RARB: variants seen among roughly 807,000 people sequenced by gnomAD.
RARB encodes the protein HBV-activated protein.
A neutral mutation model predicts 51.9 loss-of-function variants in RARB; 17 were observed. The ratio of observed to expected loss-of-function variants is 0.33; its 90% CI spans 0.22 to 0.49. The LOEUF (loss-of-function observed/expected upper bound fraction) is 0.49. RARB is among the 20% of genes least tolerant of loss of function. The pLI is 0.99. For synonymous variants in RARB, 215 were observed against 195.4 expected, an observed-to-expected ratio of 1.10 and a Z score of -0.84; for missense variants, 369 against 550.8, an observed-to-expected ratio of 0.67 and a Z score of 3.30.
At chr3:25,163,765 T>C (rs1283461742) in intron 4 of RARB, among the ~76,000 whole-genome samples, 1 of 152,020 alleles carries the variant, frequency 6.6e-6, no homozygotes, top group Non-Finnish European at 1.5e-5. Context: ...GTCACAGGCA[T>C]ACTTCTAATC....
At chr3:25,550,012 G>T (rs1699782297) in intron 3 of RARB, among the ~76,000 whole-genome samples, 1 of 152,048 alleles carries the variant, frequency 6.6e-6, no homozygotes, top group African/African-American at 2.4e-5. Context: ...AATTCTGATG[G>T]TCTCTATTCA....
intron 4 of RARB, among the ~76,000 whole-genome samples, chr3:25,172,233 T>C (rs1329749567): frequency 2.0e-5 from 3 of 152,176 alleles, no homozygotes; most frequent in South Asian, 4.1e-4. Context: ...GACTGCTCAC[T>C]GAGTTTTTCC....
At chr3:24,864,335 G>A (rs890410626) in intron 2 of RARB, among the ~76,000 whole-genome samples, 1 of 152,278 alleles carries the variant, frequency 6.6e-6, no homozygotes, top group South Asian at 2.1e-4. Flanking sequence ...TTGCCATTCA[G>A]TGTTGTTCCT....
At chr3:25,056,143 T>C (rs1304332482) in intron 2 of RARB, among the ~76,000 whole-genome samples, 1 of 152,128 alleles carries the variant, frequency 6.6e-6, no homozygotes, top group South Asian at 2.1e-4. Context: ...TATTTCCTGC[T>C]GGTAACAGGC....
At chr3:24,924,450 C>T (rs1371485189) in intron 2 of RARB, among the ~76,000 whole-genome samples, 1 of 152,094 alleles carries the variant, frequency 6.6e-6, no homozygotes, top group Admixed American at 6.6e-5. Flanking sequence ...AGTATGGTAG[C>T]CACTAGCTAG....
At chr3:25,033,577 C>G (rs986274466) in intron 2 of RARB, among the ~76,000 whole-genome samples, 2 of 152,078 alleles carry the variant, frequency 1.3e-5, no homozygotes, top group East Asian at 1.9e-4. Flanking sequence ...GGAGACATGC[C>G]GATTATGTTG....
intron 4 of RARB, among the ~76,000 whole-genome samples, chr3:25,574,431 A>G (rs564807428): frequency 2.0e-5 from 3 of 152,102 alleles, no homozygotes; most frequent in Admixed American, 6.5e-5. Flanking sequence ...CCTCCTCTCC[A>G]CCCCATCATA....
At chr3:25,032,546 A>C (rs1256148204) in intron 2 of RARB, among the ~76,000 whole-genome samples, 1 of 152,236 alleles carries the variant, frequency 6.6e-6, no homozygotes, top group Non-Finnish European at 1.5e-5. Flanking sequence ...TGCATATTCA[A>C]AAGCAGTGTT....
chr3:25,053,969 T>TG lies in RARB; in HGVS notation c.-379-6154dup, dbSNP rs1348486184. On this transcript the variant is annotated intron_variant, in intron 2 of 11. Transcript: ENST00000383772. ...TGTAATCCCATTCATCCTACAGATA[T>TG]GGCTTGTGCTCCTACTCTGGGCCTG... 6.6e-5 allele frequency among the ~76,000 whole-genome samples: 10 copies of TG among 152,270 alleles called. No homozygotes were observed. In the East Asian group the frequency reaches 1.9e-3, roughly 29 times the overall value.
chr3:24,970,473 A>G (rs1030943647), intron 2 of RARB, among the ~76,000 whole-genome samples: 1 of 151,964 alleles, frequency 6.6e-6, no homozygotes, highest in Non-Finnish European at 1.5e-5. Context: ...TGAAGACTAG[A>G]TACTGATAAT....
chr3:25,188,578 T>G (rs1701028454), intron 5 of RARB, among the ~76,000 whole-genome samples: 1 of 152,176 alleles, frequency 6.6e-6, no homozygotes, highest in African/African-American at 2.4e-5. Flanking sequence ...AAAGTTATTC[T>G]GTCAGCTTCT....
rs116982586 is a variant in RARB at position 24,944,573 on chromosome 3, C to T, written c.-380+85821C>T. On this transcript the variant is annotated intron_variant, in intron 2 of 11. Coordinates refer to the RARB transcript ENST00000383772. ...GAGCTAGAATTTAAACCTACAAATG[C>T]CTGACCCTGTGCCTGTCATTCAGTC... 2.2e-3 allele frequency among the ~76,000 whole-genome samples: 339 copies of T among 152,274 alleles called. 7 individuals are homozygous for T. In the East Asian group the frequency reaches 0.06, roughly 27 times the overall value.
intron 5 of RARB, among the ~76,000 whole-genome samples, chr3:25,279,102 GTTGCCTTCTATCCTC>G (rs1206729315): frequency 2.0e-5 from 3 of 152,104 alleles, no homozygotes; most frequent in Non-Finnish European, 4.4e-5. Flanking sequence ...CACACACATC[GTTGCCTTCTATCCTC>G]TCAGAAGCCC....
At chr3:25,201,162 G>T (rs1209056850) in intron 5 of RARB, among the ~76,000 whole-genome samples, 2 of 152,002 alleles carry the variant, frequency 1.3e-5, no homozygotes, top group Non-Finnish European at 2.9e-5. Context: ...TGTAAGTTGT[G>T]TTCCTGGGTA....
intron 5 of RARB, among the ~76,000 whole-genome samples, chr3:25,392,247 T>C (rs924930308): frequency 6.6e-6 from 1 of 152,228 alleles, no homozygotes; most frequent in Non-Finnish European, 1.5e-5. Flanking sequence ...CATTGGTCTA[T>C]GTGCCTACTT....
intron 1 of RARB, among the ~76,000 whole-genome samples, chr3:24,836,545 C>A (rs1702347886): frequency 6.6e-6 from 1 of 152,174 alleles, no homozygotes; most frequent in Non-Finnish European, 1.5e-5. Flanking sequence ...ATTGTGTCAG[C>A]ATCCTCCAAA....
At chr3:25,515,946 A>G (rs1698143221) in intron 3 of RARB, among the ~76,000 whole-genome samples, 1 of 152,264 alleles carries the variant, frequency 6.6e-6, no homozygotes, top group African/African-American at 2.4e-5. Context: ...ATCATCAAGA[A>G]GAGTAATACC....
intron 2 of RARB, among the ~76,000 whole-genome samples, chr3:24,875,253 A>T (rs1208599939): frequency 6.6e-6 from 1 of 152,252 alleles, no homozygotes. Context: ...CGAAGTTGAT[A>T]CTATATCTAG....
chr3:25,441,938 C>T (rs1307888664), intron 1 of RARB, among the ~76,000 whole-genome samples: 1 of 152,034 alleles, frequency 6.6e-6, no homozygotes, highest in Admixed American at 6.6e-5. Context: ...ATAAACAACC[C>T]TTTAATATAC....
Sources: gnomAD v4.1 joint callset for allele counts (sites outside exome capture counted in the v4.1 genomes callset) on GRCh38, gnomAD v4.1.1 for gene constraint, MANE v1.5 for transcripts, NCBI Gene and HGNC (gene_info 2026-07-23, HGNC 2026-07-21) for gene names.